CFAP36: variants seen among roughly 807,000 people sequenced by gnomAD.
CFAP36 encodes cilia and flagella associated protein 36.
In CFAP36, 37 loss-of-function variants were observed where a neutral mutation model predicts 50.5. That is an observed-to-expected ratio of 0.73 (90% confidence interval 0.56 to 0.96). The LOEUF (loss-of-function observed/expected upper bound fraction) is 0.96. Among genes scored for constraint, CFAP36 ranks in the 50% least tolerant of loss-of-function variants. The probability of loss-of-function intolerance (pLI) is 0.00; values close to 1 mark genes in which losing one functional copy is unlikely to be tolerated. For synonymous variants in CFAP36, 138 were observed against 128.2 expected (o/e 1.08, Z -0.52); for missense variants, 407 against 396.2 (o/e 1.03, Z -0.23).
At chr2:55,544,394 G>A (rs905035268) in intron 9 of CFAP36, 25 bp downstream of exon 9, 5 of 1,578,920 alleles carry the variant, frequency 3.2e-6, no homozygotes, top group Non-Finnish European at 4.3e-6. Flanking sequence ...AATATGTCAA[G>A]ATTTACAAAT....
At chr2:55,539,788 G>A (rs943856263) in intron 7 of CFAP36, among the ~76,000 whole-genome samples, 7 of 152,210 alleles carry the variant, frequency 4.6e-5, no homozygotes, top group Non-Finnish European at 7.3e-5. Context: ...GGTGTTGTCA[G>A]TGTTCTGGAT....
intron 6 of CFAP36, 75 bp from the exon 7 acceptor site, chr2:55,537,408 C>A: frequency 2.1e-6 from 2 of 961,134 alleles, no homozygotes; most frequent in South Asian, 1.6e-5. Flanking sequence ...ATCTTTGGAT[C>A]CTTTAGGTAG....
intron 7 of CFAP36, 65 bp downstream of exon 7, chr2:55,537,650 C>A: frequency 1.9e-6 from 2 of 1,046,156 alleles, no homozygotes; most frequent in Non-Finnish European, 2.9e-6. Context: ...ATAGAATGTG[C>A]CACTTTCTCA....
chr2:55,531,017 G>GAGCCAGCCACC (rs1684338435), intron 4 of CFAP36: 1 of 152,142 alleles, frequency 6.6e-6, no homozygotes, highest in South Asian at 2.1e-4. Context: ...GAGACTCTTA[G>GAGCCAGCCACC]AGCCAGCCAC....
intron 7 of CFAP36, chr2:55,538,824 T>C: frequency 6.5e-7 from 1 of 1,540,260 alleles, no homozygotes; most frequent in Non-Finnish European, 8.7e-7. Flanking sequence ...GGTGAAATTA[T>C]GACTTACCTT....
intron 6 of CFAP36, among the ~76,000 whole-genome samples, chr2:55,536,873 T>C (rs1684501376): frequency 6.6e-6 from 1 of 151,760 alleles, no homozygotes; most frequent in African/African-American, 2.4e-5. Context: ...GCCTCCCCAG[T>C]AGCTGGGATT....
intron 2 of CFAP36, among the ~76,000 whole-genome samples, chr2:55,522,829 C>T (rs1362043428): frequency 1.3e-5 from 2 of 152,150 alleles, no homozygotes; most frequent in Non-Finnish European, 2.9e-5. Flanking sequence ...GGCTCAGTGG[C>T]TCACACCTAT....
chr2:55,544,503 C>T lies in CFAP36; in HGVS notation c.927+134C>T, dbSNP rs190523997. The T allele has an allele frequency of 3.2e-4, 245 of 766,326 alleles. 1 individual carries two copies. The highest frequency in any genetic ancestry group is 1.6e-3 in the Admixed American group (48 of 29,536). The allele number at this position is 766,326 out of a possible 1,614,324, so 47.5% of individuals were successfully genotyped here. On this transcript the variant is annotated intron_variant, in intron 9 of 9. Transcript: ENST00000349456. ...TATTAATCACCTCCTAGTGCAGTAG[C>T]TGCTAAGTCTTTTCTAGGAAGTGAA...
At chr2:55,540,503 G>A (rs1465788979) in intron 7 of CFAP36, among the ~76,000 whole-genome samples, 2 of 152,136 alleles carry the variant, frequency 1.3e-5, no homozygotes, top group African/African-American at 2.4e-5. Context: ...GATTACTGTA[G>A]TTTGAAGTCT....
chr2:55,539,836 G>A (rs1684588183), intron 7 of CFAP36, among the ~76,000 whole-genome samples: 1 of 152,108 alleles, frequency 6.6e-6, no homozygotes, highest in South Asian at 2.1e-4. Context: ...GTATCTCATT[G>A]TTGTTTTATT....
chr2:55,526,346 G>A (rs1684206481), intron 3 of CFAP36, among the ~76,000 whole-genome samples: 1 of 152,180 alleles, frequency 6.6e-6, no homozygotes, highest in Non-Finnish European at 1.5e-5. Flanking sequence ...CCTAGAAGAG[G>A]TTGCCTTGAC....
rs1033745847 is a variant in CFAP36 at position 55,535,719 on chromosome 2, A to G, written c.493A>G (p.Lys165Glu). ...KILREVLRKSKEEYDQEEERK... is the reference protein window; with the variant it reads ...KILREVLRKSEEEYDQEEERK... Reference sequence around the variant, plus strand: ...TATTTTTGTATATTTCAGAAAATCAAAAGAGGAATATGACCAGGAAGAAGA... The same window carrying G: ...TATTTTTGTATATTTCAGAAAATCAGAAGAGGAATATGACCAGGAAGAAGA... The change falls in exon 6 of 10, where the codon AAA becomes GAA. Residue 165 changes from lysine to glutamate, a missense_variant. Transcript: ENST00000349456. The G allele has an allele frequency of 3.9e-6, 6 of 1,535,616 alleles. No homozygotes were observed. The highest frequency in any genetic ancestry group is 2.4e-5 in the East Asian group (1 of 41,402).
At chr2:55,533,553 G>A (rs983121523) in intron 4 of CFAP36, among the ~76,000 whole-genome samples, 3 of 151,844 alleles carry the variant, frequency 2.0e-5, no homozygotes, top group African/African-American at 7.3e-5. Context: ...AAATTAGCTG[G>A]GTGTGGTGGT....
chr2:55,536,004 C>T (rs1684474493), intron 6 of CFAP36: 2 of 696,340 alleles, frequency 2.9e-6, no homozygotes, highest in Non-Finnish European at 4.0e-6. Flanking sequence ...CCACATAGTA[C>T]TAATTAATCT....
In CFAP36 at chr2:55,519,839, T is replaced by G. The variant is rs767740011; in HGVS notation, c.38T>G (p.Val13Gly). Residue 13 changes from valine to glycine, a missense_variant, in exon 1 of 10, where the codon GTG (valine) becomes GGG (glycine). Val to Gly is a moderately radical substitution (Grantham distance 109). Transcript: ENST00000349456. ...GAAGAAGACGAGGTGGAGTGGGTAG[T>G]GGAGAGCATCGCGGGGTTCCTGCGA... ...AEEEDEVEWV[V>G]ESIAGFLRGP... 4 of 1,614,198 alleles carry G rather than the reference T, an allele frequency of 2.5e-6. No homozygotes were observed. Among genetic ancestry groups the G allele is most frequent in the Non-Finnish European group, 3.4e-6 (4 of 1,180,030 alleles).
rs1221940050 is a variant in CFAP36 at position 55,519,930 on chromosome 2, C to T, written c.115+14C>T. 1 of 1,610,192 alleles carries T rather than the reference C, an allele frequency of 6.2e-7. No homozygotes were observed. Among genetic ancestry groups the T allele is most frequent in the East Asian group, 2.2e-5 (1 of 44,866 alleles). Reference sequence around the variant, plus strand: ...AGAAATGTGAAGGTAAAAACCAGAGCCCGAACCGACAATCCTTTTCTCCTC... The same window carrying T: ...AGAAATGTGAAGGTAAAAACCAGAGTCCGAACCGACAATCCTTTTCTCCTC... On this transcript the variant is annotated intron_variant, in intron 1 of 9. Coordinates refer to ENST00000349456, the MANE Select transcript of CFAP36 (RefSeq NM_080667.7).
At chr2:55,533,354 A>T (rs1684399932) in intron 4 of CFAP36, among the ~76,000 whole-genome samples, 1 of 152,174 alleles carries the variant, frequency 6.6e-6, no homozygotes, top group Admixed American at 6.5e-5. Context: ...TGTAGTTAAA[A>T]GTGTGGGGTT....
intron 7 of CFAP36, among the ~76,000 whole-genome samples, chr2:55,541,799 C>T (rs1259118080): frequency 6.6e-6 from 1 of 151,928 alleles, no homozygotes; most frequent in Non-Finnish European, 1.5e-5. Context: ...AGTGAGAAAC[C>T]TTCTAATTTC....
At chr2:55,529,907 A>T (rs1220449989) in intron 4 of CFAP36, among the ~76,000 whole-genome samples, 3 of 151,982 alleles carry the variant, frequency 2.0e-5, no homozygotes, top group African/African-American at 7.3e-5. Context: ...TGGCCTCCCA[A>T]CGTGGCCGGA....
Sources: gnomAD v4.1 joint callset for allele counts (sites outside exome capture counted in the v4.1 genomes callset) on GRCh38, gnomAD v4.1.1 for gene constraint, MANE v1.5 for transcripts, NCBI Gene and HGNC (gene_info 2026-07-23, HGNC 2026-07-21) for gene names.